The following PLEKHM3 variants were observed in gnomAD, a reference collection of about 807,000 sequenced individuals.
PLEKHM3 encodes the protein pleckstrin homology domain containing M3.
Under a neutral mutation model 81.8 loss-of-function variants are expected in PLEKHM3, and 45 were observed. The observed-to-expected ratio is 0.55, with a 90% CI of 0.43 to 0.71. The LOEUF (loss-of-function observed/expected upper bound fraction) is 0.71, where lower values mean the gene tolerates loss of function less well. PLEKHM3 is among the 30% of genes least tolerant of loss of function. PLEKHM3 has a pLI of 0.00. For missense variants in PLEKHM3, 788 were observed against 924.3 expected (o/e 0.85, Z 1.91); for synonymous variants, 352 against 356.4 (o/e 0.99, Z 0.14).
chr2:208,013,633 G>A (rs941453976), intron 1 of PLEKHM3, among the ~76,000 whole-genome samples: 5 of 152,080 alleles, frequency 3.3e-5, no homozygotes, highest in Admixed American at 2.0e-4. Flanking sequence ...AACCACACAT[G>A]GAAGGCAAGA....
intron 7 of PLEKHM3, among the ~76,000 whole-genome samples, chr2:207,854,245 C>T (rs1214019968): frequency 6.6e-6 from 1 of 152,108 alleles, no homozygotes; most frequent in African/African-American, 2.4e-5. Context: ...TTTTTACATA[C>T]AGGTTTTATT....
chr2:207,954,259 G>A (rs755619026), intron 3 of PLEKHM3, among the ~76,000 whole-genome samples: 5 of 152,160 alleles, frequency 3.3e-5, no homozygotes, highest in Admixed American at 6.5e-5. Flanking sequence ...TGGAGGCTGA[G>A]GCAGGAGAAT....
chr2:207,961,893 G>T (rs979464631), intron 3 of PLEKHM3, among the ~76,000 whole-genome samples: 1 of 152,140 alleles, frequency 6.6e-6, no homozygotes, highest in Non-Finnish European at 1.5e-5. Flanking sequence ...TTCTGTGGGG[G>T]GAAATTACAC....
chr2:207,946,214 T>G (rs1281794566), intron 4 of PLEKHM3, among the ~76,000 whole-genome samples, 153 bp downstream of exon 4: 1 of 152,256 alleles, frequency 6.6e-6, no homozygotes, highest in African/African-American at 2.4e-5. Flanking sequence ...AACTGTGAGA[T>G]ATATAAGAAG....
intron 5 of PLEKHM3, 117 bp downstream of exon 5, chr2:207,930,809 C>A (rs1020328025): frequency 8.5e-6 from 10 of 1,172,302 alleles, no homozygotes; most frequent in Non-Finnish European, 1.2e-5. Context: ...AGGCGGAGGG[C>A]GAGCCACAAA....
intron 6 of PLEKHM3, among the ~76,000 whole-genome samples, chr2:207,865,781 CAAA>C (rs71412445): frequency 7.1e-3 from 27 of 3,788 alleles, no homozygotes; most frequent in African/African-American, 0.018. Flanking sequence ...AACTCCGACT[CAAA>C]AAAAAAAAAA....
intron 1 of PLEKHM3, among the ~76,000 whole-genome samples, chr2:208,010,744 G>T (rs998906330): frequency 6.6e-6 from 1 of 152,186 alleles, no homozygotes; most frequent in African/African-American, 2.4e-5. Context: ...TAGACTTAAA[G>T]ATGTCATCAG....
chr2:207,982,578 CTTTTT>C (rs34116964), intron 2 of PLEKHM3, among the ~76,000 whole-genome samples: 1 of 129,152 alleles, frequency 7.7e-6, no homozygotes, highest in Non-Finnish European at 1.7e-5. Flanking sequence ...CATTGATTTT[CTTTTT>C]TTTTTTTTTT....
At chr2:207,845,632 T>C (rs139376026) in intron 7 of PLEKHM3, among the ~76,000 whole-genome samples, 5 of 152,372 alleles carry the variant, frequency 3.3e-5, no homozygotes, top group Non-Finnish European at 7.3e-5. Context: ...TAAAGTCACA[T>C]ATCTCGGTAA....
intron 3 of PLEKHM3, among the ~76,000 whole-genome samples, chr2:207,956,439 C>T (rs1288855184): frequency 6.6e-6 from 1 of 151,842 alleles, no homozygotes; most frequent in Non-Finnish European, 1.5e-5. Flanking sequence ...AACCATTGCA[C>T]TCCAGCTTGG....
intron 2 of PLEKHM3, among the ~76,000 whole-genome samples, chr2:207,982,698 C>A (rs991343681): frequency 6.6e-6 from 1 of 151,846 alleles, no homozygotes; most frequent in Non-Finnish European, 1.5e-5. Context: ...CCTGCCTCAG[C>A]CTCCTGAGTA....
intron 7 of PLEKHM3, among the ~76,000 whole-genome samples, chr2:207,830,518 CAGG>C (rs2092280349): frequency 6.7e-6 from 1 of 150,362 alleles, no homozygotes; most frequent in Non-Finnish European, 1.5e-5. Flanking sequence ...GAGGCTGAGG[CAGG>C]AGAATTGCTT....
At chr2:207,969,649 T>C (rs1000309829) in intron 3 of PLEKHM3, among the ~76,000 whole-genome samples, 1 of 152,216 alleles carries the variant, frequency 6.6e-6, no homozygotes, top group East Asian at 1.9e-4. Flanking sequence ...GCTTAGCTAG[T>C]TGAGCATATA....
chr2:207,838,844 A>T (rs1010648299), intron 7 of PLEKHM3, among the ~76,000 whole-genome samples: 1 of 152,250 alleles, frequency 6.6e-6, no homozygotes, highest in African/African-American at 2.4e-5. Context: ...ACACTGTATT[A>T]TAATTGTAGC....
chr2:207,842,654 C>T (rs190996048), intron 7 of PLEKHM3, among the ~76,000 whole-genome samples: 1 of 152,274 alleles, frequency 6.6e-6, no homozygotes, highest in Admixed American at 6.5e-5. Flanking sequence ...TCAGTGAGAA[C>T]ATTCGTTGGA....
At position 208,001,430 on chromosome 2, in the gene PLEKHM3, G is replaced by A; in HGVS notation, c.210C>T (p.Gly70=). The A allele has an allele frequency of 6.2e-7, 1 of 1,614,100 alleles. No individual in the cohort carries two copies. Among genetic ancestry groups the A allele is most frequent in the African/African-American group, 1.3e-5 (1 of 75,008 alleles). The change falls in exon 2 of 8, where the codon GGC becomes GGT. Residue 70 remains glycine, a synonymous_variant. Transcript: ENST00000427836. ...TGCTCTTACAGTGGTCCCAAATCAT[G>A]CCCCCCTTGCCCAGGGAGGTGACAT... ...MRNVTSLGKG[G]MIWDHCKSRL... is the part of the protein sequence containing the mutation.
At chr2:207,958,932 A>AATG in intron 3 of PLEKHM3, among the ~76,000 whole-genome samples, 1 of 152,052 alleles carries the variant, frequency 6.6e-6, no homozygotes, top group Non-Finnish European at 1.5e-5. Flanking sequence ...TAATAATAAT[A>AATG]ATAAAATAAA....
chr2:207,967,253 C>T (rs1453195381), intron 3 of PLEKHM3, among the ~76,000 whole-genome samples: 1 of 152,104 alleles, frequency 6.6e-6, no homozygotes, highest in Non-Finnish European at 1.5e-5. Flanking sequence ...CTTCAGCCTC[C>T]CAAAATGCTG....
intron 1 of PLEKHM3, among the ~76,000 whole-genome samples, chr2:208,022,658 C>A (rs1350968801): frequency 6.6e-6 from 1 of 152,182 alleles, no homozygotes; most frequent in Non-Finnish European, 1.5e-5. Flanking sequence ...TTCGAAGCCG[C>A]AACACAGTAT....
Sources: allele counts gnomAD v4.1 joint callset (sites outside exome capture counted in the v4.1 genomes callset), GRCh38; gene constraint gnomAD v4.1.1; transcripts MANE v1.5; gene names NCBI Gene and HGNC (gene_info 2026-07-23, HGNC 2026-07-21).